CCDC85A: variants seen among roughly 807,000 people sequenced by gnomAD.
CCDC85A encodes coiled-coil domain containing 85A.
In CCDC85A, 38 loss-of-function variants were observed where a neutral mutation model predicts 50.2. The ratio of observed to expected loss-of-function variants is 0.76; its 90% confidence interval spans 0.58 to 0.99. The LOEUF (loss-of-function observed/expected upper bound fraction) is 0.99. Among genes scored for constraint, CCDC85A ranks in the 50% least tolerant of loss-of-function variants. The pLI, the probability that CCDC85A is intolerant of heterozygous loss-of-function variation, is 0.00. For missense variants in CCDC85A, 820 were observed against 742.0 expected, an observed-to-expected ratio of 1.11 and a Z score of -1.22; for synonymous variants, 366 against 301.4, an observed-to-expected ratio of 1.21 and a Z score of -2.22.
chr2:56,284,395 G>A (rs1307706145), intron 2 of CCDC85A, among the ~76,000 whole-genome samples: 1 of 151,796 alleles, frequency 6.6e-6, no homozygotes, highest in Non-Finnish European at 1.5e-5. Context: ...TTTTTGAGAC[G>A]GAGTTTCACT....
At chr2:56,253,214 A>C (rs1048405608) in intron 2 of CCDC85A, among the ~76,000 whole-genome samples, 3 of 152,156 alleles carry the variant, frequency 2.0e-5, no homozygotes, top group Non-Finnish European at 4.4e-5. Context: ...CCCTACGCCC[A>C]TCAAGGATAA....
chr2:56,228,329 T>A, intron 2 of CCDC85A, among the ~76,000 whole-genome samples: 1 of 150,872 alleles, frequency 6.6e-6, no homozygotes. Flanking sequence ...TAAAGTATAA[T>A]AATAATAATA....
At chr2:56,186,011 C>G (rs72914762) in intron 1 of CCDC85A, among the ~76,000 whole-genome samples, 5,306 of 152,282 alleles carry the variant, frequency 0.035, 296 homozygotes, top group African/African-American at 0.12. Context: ...CCGGAATTGC[C>G]TCAGTGCTCC....
At chr2:56,333,638 G>A (rs1673925670) in intron 2 of CCDC85A, among the ~76,000 whole-genome samples, 1 of 152,092 alleles carries the variant, frequency 6.6e-6, no homozygotes, top group Non-Finnish European at 1.5e-5. Context: ...ACTGGGGGAG[G>A]AGGAGGCAAG....
intron 2 of CCDC85A, among the ~76,000 whole-genome samples, chr2:56,294,454 A>G (rs374271068): frequency 8.5e-5 from 13 of 152,224 alleles, no homozygotes; most frequent in African/African-American, 2.7e-4. Context: ...AAAATTTTTA[A>G]AAAATCAGAT....
chr2:56,193,620 T>A (rs1676412570), intron 2 of CCDC85A, among the ~76,000 whole-genome samples, 180 bp downstream of exon 2: 1 of 152,210 alleles, frequency 6.6e-6, no homozygotes, highest in African/African-American at 2.4e-5. Flanking sequence ...CATCTGTTTT[T>A]ATTCTAAACA....
intron 2 of CCDC85A, among the ~76,000 whole-genome samples, chr2:56,251,729 T>G (rs1171233259): frequency 1.3e-5 from 2 of 150,862 alleles, no homozygotes; most frequent in African/African-American, 4.9e-5. Flanking sequence ...TTTTACTGAT[T>G]TTTTTTTTGC....
chr2:56,268,005 G>A (rs1035875500), intron 2 of CCDC85A, among the ~76,000 whole-genome samples: 8 of 152,114 alleles, frequency 5.3e-5, no homozygotes, highest in African/African-American at 1.9e-4. Context: ...ATTCTTTTGG[G>A]TGATGGTTAA....
Position 56,385,862 on chromosome 2 carries a change from C to G in CCDC85A, c.*1507C>G, listed in dbSNP as rs1037428743. The G allele has an allele frequency of 6.6e-6, 1 of 151,638 alleles. No homozygotes were observed. The highest frequency in any genetic ancestry group is 2.4e-5 in the African/African-American group (1 of 41,334). 9.4% of individuals were successfully genotyped at this position (151,638 alleles called of 1,614,324 possible). A position where few individuals can be genotyped will look rare whatever the true frequency, so the allele number is the denominator to read the frequency against. ...TAATTGGGTTACAATTTAAGCTCCC[C>G]TTTTAAATGTTATATTTTAAAATGT... On this transcript the variant is annotated 3_prime_UTR_variant, in exon 6 of 6. Coordinates refer to ENST00000407595, the MANE Select transcript of CCDC85A (RefSeq NM_001080433.2).
chr2:56,300,670 C>T (rs552896853), intron 2 of CCDC85A, among the ~76,000 whole-genome samples: 2 of 152,300 alleles, frequency 1.3e-5, no homozygotes, highest in East Asian at 3.9e-4. Flanking sequence ...TGAATTTATA[C>T]CCTTCCTTTA....
chr2:56,217,342 T>G (rs1051584807), intron 2 of CCDC85A, among the ~76,000 whole-genome samples: 1 of 151,912 alleles, frequency 6.6e-6, no homozygotes, highest in Non-Finnish European at 1.5e-5. Flanking sequence ...CTATTTCCTC[T>G]GATGTTGGAG....
intron 2 of CCDC85A, among the ~76,000 whole-genome samples, chr2:56,335,328 C>T (rs562996032): frequency 1.3e-5 from 2 of 152,246 alleles, no homozygotes; most frequent in East Asian, 1.9e-4. Flanking sequence ...GAGTGCAAGC[C>T]ATGCCTTTAG....
intron 2 of CCDC85A, among the ~76,000 whole-genome samples, chr2:56,238,364 C>A (rs887876012): frequency 5.3e-5 from 8 of 150,792 alleles, no homozygotes; most frequent in Non-Finnish European, 1.0e-4. Context: ...TTGCAGTGAT[C>A]CAAGATTGCA....
intron 2 of CCDC85A, among the ~76,000 whole-genome samples, chr2:56,225,275 A>G (rs1276539098): frequency 6.6e-6 from 1 of 152,120 alleles, no homozygotes; most frequent in Non-Finnish European, 1.5e-5. Flanking sequence ...TTATATAAAC[A>G]ACTAGCTTGG....
intron 3 of CCDC85A, among the ~76,000 whole-genome samples, chr2:56,353,778 A>G (rs1446302638): frequency 6.6e-6 from 1 of 152,232 alleles, no homozygotes; most frequent in East Asian, 1.9e-4. Flanking sequence ...CATTTTGAAG[A>G]GAGCCAAAAA....
intron 3 of CCDC85A, among the ~76,000 whole-genome samples, chr2:56,363,185 G>T (rs1225605257): frequency 6.6e-6 from 1 of 152,080 alleles, no homozygotes; most frequent in Non-Finnish European, 1.5e-5. Context: ...AGTAAGAGCT[G>T]TTTGTGACAA....
intron 1 of CCDC85A, among the ~76,000 whole-genome samples, chr2:56,189,652 G>A (rs1341419716): frequency 1.3e-5 from 2 of 152,144 alleles, no homozygotes; most frequent in African/African-American, 4.8e-5. Context: ...AGTACACTGT[G>A]TGATGCTGAG....
chr2:56,272,693 C>T (rs1261079721), intron 2 of CCDC85A, among the ~76,000 whole-genome samples: 1 of 152,166 alleles, frequency 6.6e-6, no homozygotes, highest in Non-Finnish European at 1.5e-5. Flanking sequence ...AGAATATTAG[C>T]ACCTTGAGAA....
intron 2 of CCDC85A, among the ~76,000 whole-genome samples, chr2:56,267,797 A>G (rs1330076114): frequency 6.6e-6 from 1 of 152,222 alleles, no homozygotes; most frequent in Non-Finnish European, 1.5e-5. Flanking sequence ...AATAAAAACT[A>G]GCTAAAATCT....
Sources: allele counts gnomAD v4.1 joint callset (sites outside exome capture counted in the v4.1 genomes callset), GRCh38; gene constraint gnomAD v4.1.1; transcripts MANE v1.5; gene names NCBI Gene and HGNC (gene_info 2026-07-23, HGNC 2026-07-21).